Variants in DENND1A observed in about 807,000 individuals in gnomAD.
DENND1A encodes DENN domain-containing protein 1A.
DENND1A carries 51 observed loss-of-function variants against 113.7 expected under a neutral mutation model. The ratio of observed to expected loss-of-function variants is 0.45; its 90% CI spans 0.36 to 0.57. DENND1A has a LOEUF of 0.57. Among genes scored for constraint, DENND1A ranks in the 20% least tolerant of loss-of-function variants. DENND1A has a pLI of 0.00. For synonymous variants in DENND1A, 565 were observed against 570.8 expected (o/e 0.99, Z 0.14); for missense variants, 1,258 against 1,395.9 (o/e 0.90, Z 1.57).
chr9:123,440,384 C>T lies in DENND1A; in HGVS notation c.1464G>A (p.Arg488=). The change falls in exon 19 of 24, where the codon CGG becomes CGA. Residue 488 remains arginine (R), a synonymous_variant. Coordinates refer to ENST00000394215, the MANE Select transcript of DENND1A (RefSeq NM_001352964.2). ...CCTGTCCAAAGTGGACTGTGATTGG[C>T]CGCCGGTCTTCTCGGAGCTTGGGGT... ...AKDPKLREDR[R]PITVHFGQLQ... is the part of the protein sequence containing the mutation. 2 of 1,601,374 alleles carry T rather than the reference C, an allele frequency of 1.2e-6. No homozygotes were observed. Among genetic ancestry groups the T allele is most frequent in the Non-Finnish European group, 1.7e-6 (2 of 1,175,104 alleles).
chr9:123,674,742 C>G (rs745791411), intron 6 of DENND1A, among the ~76,000 whole-genome samples: 2 of 152,170 alleles, frequency 1.3e-5, no homozygotes, highest in African/African-American at 4.8e-5. Flanking sequence ...ATAATCCAAT[C>G]TCCCATATGT....
At chr9:123,432,332 G>C (rs1036557318) in intron 19 of DENND1A, among the ~76,000 whole-genome samples, 1 of 152,232 alleles carries the variant, frequency 6.6e-6, no homozygotes, top group Non-Finnish European at 1.5e-5. Flanking sequence ...GTGAGTGCAC[G>C]TGGAAAGACA....
intron 7 of DENND1A, among the ~76,000 whole-genome samples, chr9:123,668,283 G>T (rs1199775921): frequency 1.3e-5 from 2 of 152,150 alleles, no homozygotes; most frequent in African/African-American, 4.8e-5. Context: ...TTGCAAAATA[G>T]GTAGGTGTGT....
chr9:123,791,936 G>C (rs968814539), intron 3 of DENND1A, among the ~76,000 whole-genome samples: 1 of 152,156 alleles, frequency 6.6e-6, no homozygotes, highest in African/African-American at 2.4e-5. Context: ...CTAGAATCCT[G>C]AATGTATAAC....
intron 13 of DENND1A, among the ~76,000 whole-genome samples, chr9:123,509,912 TCTC>T (rs1184080084): frequency 9.2e-5 from 14 of 152,168 alleles, no homozygotes; most frequent in Admixed American, 3.3e-4. Context: ...TCTATCTCCT[TCTC>T]CTTATTTCTG....
At chr9:123,442,561 A>T (rs1023083073) in intron 18 of DENND1A, among the ~76,000 whole-genome samples, 14 of 152,140 alleles carry the variant, frequency 9.2e-5, no homozygotes, top group Admixed American at 3.9e-4. Flanking sequence ...GTTCAGGTAA[A>T]ATTTTGTGCG....
intron 1 of DENND1A, among the ~76,000 whole-genome samples, chr9:123,898,897 T>A (rs746640537): frequency 2.6e-5 from 4 of 152,178 alleles, no homozygotes; most frequent in Non-Finnish European, 4.4e-5. Context: ...TTTAGATGAA[T>A]GAATAAAGGC....
rs898318872 is a variant in DENND1A at position 123,423,558 on chromosome 9, C to T, written c.1489-11729G>A. On this transcript the variant is annotated intron_variant, in intron 19 of 23. Transcript: ENST00000394215. Reference sequence around the variant, plus strand: ...GTGCAGGAGGACCCCCTCCCTTCGGCGGTCATTTCTAATGCTGGTGCACAC... The same window carrying T: ...GTGCAGGAGGACCCCCTCCCTTCGGTGGTCATTTCTAATGCTGGTGCACAC... Among the ~76,000 whole-genome samples the T allele has an allele frequency of 4.6e-5, 7 of 152,274 alleles. No individual in the cohort carries two copies. The East Asian group carries it at 5.8e-4, about 13-fold the overall frequency.
At position 123,479,449 on chromosome 9, in the gene DENND1A, G is replaced by A. The variant is rs148548457; in HGVS notation, c.994-21552C>T. Among the ~76,000 whole-genome samples, 725 of 152,258 alleles carry A rather than the reference G, an allele frequency of 4.8e-3. 10 individuals carry two copies. Among genetic ancestry groups the A allele is most frequent in the African/African-American group, 0.017 (687 of 41,550 alleles). Reference sequence around the variant, plus strand: ...ATTCTTTTCATTTGGGAAACCTTTCGGCTTTTCAGGTGGCTTCCCAATCAC... The same window carrying A: ...ATTCTTTTCATTTGGGAAACCTTTCAGCTTTTCAGGTGGCTTCCCAATCAC... On this transcript the variant is annotated intron_variant, in intron 13 of 23. Transcript: ENST00000394215.
chr9:123,498,754 G>A (rs1012324672), intron 13 of DENND1A, among the ~76,000 whole-genome samples: 5 of 150,190 alleles, frequency 3.3e-5, no homozygotes, highest in South Asian at 4.2e-4. Flanking sequence ...ACAAAGTCTC[G>A]CTCTGTCTCC....
intron 8 of DENND1A, among the ~76,000 whole-genome samples, chr9:123,663,826 A>T (rs1185563139): frequency 6.6e-6 from 1 of 151,998 alleles, no homozygotes; most frequent in African/African-American, 2.4e-5. Flanking sequence ...GCTTTTAAAA[A>T]TGTAAGTTTT....
chr9:123,903,186 G>T (rs150282933), intron 1 of DENND1A, among the ~76,000 whole-genome samples: 2 of 150,974 alleles, frequency 1.3e-5, no homozygotes, highest in Non-Finnish European at 3.0e-5. Context: ...CAAAAAATTA[G>T]CCGGGCATAG....
intron 2 of DENND1A, 104 bp from the exon 3 acceptor site, chr9:123,792,734 G>A (rs1298872718): frequency 3.1e-6 from 4 of 1,307,068 alleles, no homozygotes; most frequent in Middle Eastern, 3.7e-4. Context: ...CCTGGCAGGG[G>A]ATCCAAGGGG....
chr9:123,576,020 C>A (rs1441363993), intron 12 of DENND1A, among the ~76,000 whole-genome samples: 1 of 152,180 alleles, frequency 6.6e-6, no homozygotes, highest in East Asian at 1.9e-4. Flanking sequence ...TTTGTTCCAT[C>A]TGTTGTCATG....
intron 23 of DENND1A, 94 bp from the exon 24 acceptor site, chr9:123,382,719 C>T: frequency 1.5e-6 from 2 of 1,348,068 alleles, no homozygotes; most frequent in South Asian, 2.6e-5. Flanking sequence ...TGAATGTGTG[C>T]TGGGCCTAGT....
intron 2 of DENND1A, among the ~76,000 whole-genome samples, chr9:123,845,655 G>C (rs1435756506): frequency 1.9e-5 from 2 of 105,344 alleles, no homozygotes; most frequent in African/African-American, 8.9e-5. Flanking sequence ...GGGTGACCAA[G>C]TGAGAACCTG....
At chr9:123,573,813 A>G (rs2058484925) in intron 12 of DENND1A, among the ~76,000 whole-genome samples, 1 of 152,092 alleles carries the variant, frequency 6.6e-6, no homozygotes, top group Non-Finnish European at 1.5e-5. Flanking sequence ...TTGAATAGAA[A>G]TAAGAAGAGC....
intron 17 of DENND1A, among the ~76,000 whole-genome samples, chr9:123,452,033 C>CA (rs10653405): frequency 0.017 from 2,345 of 134,844 alleles, 98 homozygotes; most frequent in African/African-American, 0.046. Context: ...CCTGTCTCTC[C>CA]AAAAAAAAAA....
intron 21 of DENND1A, among the ~76,000 whole-genome samples, chr9:123,397,128 C>T (rs1159633592): frequency 2.0e-5 from 3 of 152,172 alleles, no homozygotes; most frequent in African/African-American, 7.2e-5. Flanking sequence ...TTAGCACATT[C>T]CCAGTTAATG....
Sources: gnomAD v4.1 joint callset for allele counts (sites outside exome capture counted in the v4.1 genomes callset) on GRCh38, gnomAD v4.1.1 for gene constraint, MANE v1.5 for transcripts, NCBI Gene and HGNC (gene_info 2026-07-23, HGNC 2026-07-21) for gene names.